The following NHSL2 variants were observed in gnomAD, a reference collection of about 807,000 sequenced individuals.
NHSL2 encodes the protein NHS like 2, also known as NHS-like protein 2.
Under a neutral mutation model 53.4 loss-of-function variants are expected in NHSL2, and 27 were observed. The observed-to-expected ratio is 0.51, with a 90% CI of 0.37 to 0.70. NHSL2 has a LOEUF of 0.70. Among genes scored for constraint, NHSL2 ranks in the 30% least tolerant of loss-of-function variants. The pLI, the probability that NHSL2 is intolerant of heterozygous loss-of-function variation, is 0.00. For synonymous variants in NHSL2, 408 were observed against 404.1 expected (o/e 1.01, Z -0.12); for missense variants, 892 against 980.1 (o/e 0.91, Z 1.20).
intron 1 of NHSL2, among the ~76,000 whole-genome samples, chrX:72,106,835 TC>T (rs1484031909): frequency 2.7e-5 from 3 of 110,345 alleles, no homozygotes; most frequent in Non-Finnish European, 3.8e-5. Flanking sequence ...AGGCTGGAAA[TC>T]ATCATTCTCA....
intron 1 of NHSL2, among the ~76,000 whole-genome samples, chrX:72,049,015 G>GAAGAA (rs766144046): frequency 1.8e-4 from 15 of 82,780 alleles, no homozygotes; most frequent in African/African-American, 5.2e-4. Flanking sequence ...AAGAAGAAGA[G>GAAGAA]GAAGAGGAAG....
chrX:72,033,856 C>T (rs2042228026), intron 1 of NHSL2, among the ~76,000 whole-genome samples: 1 of 111,489 alleles, frequency 9.0e-6, no homozygotes, highest in African/African-American at 3.3e-5. Flanking sequence ...TTTATTCCTT[C>T]CTTTCCAATT....
intron 1 of NHSL2, among the ~76,000 whole-genome samples, chrX:72,081,419 C>T (rs984754168): frequency 4.5e-5 from 5 of 111,971 alleles, no homozygotes; most frequent in Non-Finnish European, 9.4e-5. Context: ...ACAGAGTGAG[C>T]CCTAGAGAAG....
chrX:72,078,754 C>T (rs1423748330), intron 1 of NHSL2, among the ~76,000 whole-genome samples: 1 of 112,366 alleles, frequency 8.9e-6, no homozygotes, highest in Non-Finnish European at 1.9e-5. Context: ...AACCCTCTTC[C>T]CAGCTCAGGG....
In NHSL2 at chrX:72,124,114, C is replaced by A. The variant is rs72630037; in HGVS notation, c.281-7965C>A. 9.9e-5 allele frequency among the ~76,000 whole-genome samples: 11 copies of A among 110,665 alleles called. No homozygotes were observed. The East Asian group carries it at 2.3e-3, about 23-fold the overall frequency. On this transcript the variant is annotated intron_variant, in intron 1 of 7. Transcript: ENST00000633930. Reference sequence around the variant, plus strand: ...TGGGCAGGATACAGGAAGTGCTGGCCGGAGGTGGAGCCCACTCCCCACCTC... The same window carrying A: ...TGGGCAGGATACAGGAAGTGCTGGCAGGAGGTGGAGCCCACTCCCCACCTC...
chrX:72,096,554 T>C, intron 1 of NHSL2, among the ~76,000 whole-genome samples: 1 of 112,521 alleles, frequency 8.9e-6, no homozygotes, highest in Non-Finnish European at 1.9e-5. Context: ...TAGCTTTATG[T>C]TGAACGCAGA....
intron 1 of NHSL2, among the ~76,000 whole-genome samples, chrX:72,081,099 A>C (rs2041787957): frequency 8.9e-6 from 1 of 112,646 alleles, no homozygotes; most frequent in Non-Finnish European, 1.9e-5. Context: ...GGCCCTTTGC[A>C]TCAGGCGTAT....
intron 1 of NHSL2, among the ~76,000 whole-genome samples, chrX:72,030,658 A>C (rs983062926): frequency 8.9e-6 from 1 of 112,002 alleles, no homozygotes; most frequent in African/African-American, 3.2e-5. Context: ...CATGCTGGTA[A>C]ATGTTTAACA....
At chrX:71,987,762 A>G (rs2042009456) in intron 1 of NHSL2, among the ~76,000 whole-genome samples, 1 of 112,333 alleles carries the variant, frequency 8.9e-6, no homozygotes, top group Non-Finnish European at 1.9e-5. Flanking sequence ...ACAGAAGATA[A>G]AAGAGTCATT....
At chrX:72,094,654 A>G (rs1000820623) in intron 1 of NHSL2, among the ~76,000 whole-genome samples, 2 of 111,187 alleles carry the variant, frequency 1.8e-5, no homozygotes, top group African/African-American at 3.3e-5. Context: ...CAATTCACTA[A>G]GAGCCCCTTC....
chrX:72,020,139 A>G (rs1477233250), intron 1 of NHSL2, among the ~76,000 whole-genome samples: 1 of 112,836 alleles, frequency 8.9e-6, no homozygotes, highest in East Asian at 2.8e-4. Flanking sequence ...ACACAGGCTA[A>G]TTGTGAAAAA....
chrX:72,086,043 GA>G (rs2041840447), intron 1 of NHSL2, among the ~76,000 whole-genome samples: 1 of 111,924 alleles, frequency 8.9e-6, no homozygotes, highest in South Asian at 3.7e-4. Context: ...CCTGGTCCCA[GA>G]GTTCACCTAA....
chrX:72,076,187 C>T (rs760217153), intron 1 of NHSL2, among the ~76,000 whole-genome samples: 25 of 111,408 alleles, frequency 2.2e-4, no homozygotes, highest in African/African-American at 7.8e-4. Context: ...CCTGCCTTGG[C>T]CTCCCAAAGT....
At chrX:72,067,396 A>G (rs2042437161) in intron 1 of NHSL2, among the ~76,000 whole-genome samples, 1 of 110,918 alleles carries the variant, frequency 9.0e-6, no homozygotes, top group Non-Finnish European at 1.9e-5. Flanking sequence ...ATTCAATTCT[A>G]TTTTCACTTT....
At chrX:71,961,696 C>T (rs1003705646) in intron 1 of NHSL2, among the ~76,000 whole-genome samples, 4 of 111,369 alleles carry the variant, frequency 3.6e-5, no homozygotes, top group Non-Finnish European at 7.5e-5. Flanking sequence ...GACAGAGGCT[C>T]ACTATGTTGC....
intron 1 of NHSL2, among the ~76,000 whole-genome samples, chrX:72,059,357 C>T (rs1379862358): frequency 1.8e-5 from 2 of 111,322 alleles, no homozygotes; most frequent in Non-Finnish European, 3.8e-5. Context: ...TCAGGTCACT[C>T]CCTTGCCCAA....
chrX:71,926,946 T>G (rs1319235308), intron 1 of NHSL2, among the ~76,000 whole-genome samples: 1 of 111,281 alleles, frequency 9.0e-6, no homozygotes, highest in Non-Finnish European at 1.9e-5. Context: ...CTTTGTAAAA[T>G]GAGAGACTGG....
chrX:72,128,077 T>C (rs1346297940), intron 1 of NHSL2: 1 of 112,116 alleles, frequency 8.9e-6, no homozygotes, highest in Non-Finnish European at 1.9e-5. Flanking sequence ...AGGGGATCTT[T>C]TTAAAAGGTA....
rs1602349653 is a variant in NHSL2, at chrX:72,077,224, C to T, written c.281-54855C>T. Among the ~76,000 whole-genome samples the T allele has an allele frequency of 7.2e-5, 8 of 110,700 alleles. No homozygotes were observed. In the South Asian group the frequency reaches 3.1e-3, roughly 43 times the overall value. The stretch of plus-strand genomic sequence containing the variant: ...CTGGCTTTGGGGGTTTCTAGCTTCC[C>T]AGGCTGAGCTCTTCACACTCCCCCC... On this transcript the variant is annotated intron_variant, in intron 1 of 7. Transcript: ENST00000633930.
Sources: allele counts gnomAD v4.1 joint callset (sites outside exome capture counted in the v4.1 genomes callset), GRCh38; gene constraint gnomAD v4.1.1; transcripts MANE v1.5; gene names NCBI Gene and HGNC (gene_info 2026-07-23, HGNC 2026-07-21).